Variants in FGD2 observed in about 807,000 individuals in gnomAD.
FGD2 encodes FYVE, RhoGEF and PH domain-containing protein 2.
FGD2 carries 52 observed loss-of-function variants against 75.9 expected under a neutral mutation model. That is an observed-to-expected ratio of 0.69 (90% CI 0.55 to 0.86). The LOEUF is 0.86. FGD2 is among the 40% of genes least tolerant of loss of function. The pLI is 0.00. For missense variants in FGD2, 790 were observed against 872.0 expected (o/e 0.91, Z 1.18); for synonymous variants, 347 against 348.6 (o/e 1.00, Z 0.05).
intron 13 of FGD2, 183 bp downstream of exon 13, chr6:37,022,553 C>T: frequency 1.3e-6 from 1 of 797,350 alleles, no homozygotes; most frequent in South Asian, 2.3e-5. Flanking sequence ...CCTGTGTCAC[C>T]CAGGCCTCTA....
chr6:37,028,341 CT>C lies in FGD2; in HGVS notation c.*181del. The C allele has an allele frequency of 1.6e-6, 1 of 607,280 alleles. No homozygotes were observed. Among genetic ancestry groups the C allele is most frequent in the African/African-American group, 1.8e-5 (1 of 54,526 alleles). The allele number at this position is 607,280 out of a possible 1,614,324, so 37.6% of individuals were successfully genotyped here. On this transcript the variant is annotated 3_prime_UTR_variant, in exon 16 of 16. Coordinates refer to ENST00000274963, the MANE Select transcript of FGD2 (RefSeq NM_173558.4). ...GGGATTAGAAAATATGGGTCCATTC[CT>C]TTCTAGAAAGGGGACAACCAAGTGT...
At chr6:37,022,426 G>C (rs1765634539) in intron 13 of FGD2, 56 bp downstream of exon 13, 1 of 1,511,704 alleles carries the variant, frequency 6.6e-7, no homozygotes, top group African/African-American at 1.4e-5. Context: ...GCCTCCACCT[G>C]CATCACCCAG....
rs1006799826 is a variant in FGD2 at position 37,011,557 on chromosome 6, T to C, written c.379-149T>C. ...AAAGTGGCCAGAACACAACCTCCCC[T>C]GCCTTCTTTTCCCGGGGTTGCTGTG... On this transcript the variant is annotated intron_variant, in intron 3 of 15. Coordinates refer to ENST00000274963, the MANE Select transcript of FGD2 (RefSeq NM_173558.4). 44 of 1,080,902 alleles carry C rather than the reference T, an allele frequency of 4.1e-5. No individual in the cohort carries two copies. In the South Asian group the frequency reaches 4.4e-4, roughly 11 times the overall value. 67.0% of individuals were successfully genotyped at this position (1,080,902 alleles called of 1,614,324 possible). A position where few individuals can be genotyped will look rare whatever the true frequency, so the allele number is the denominator to read the frequency against.
chr6:37,013,421 C>T lies in FGD2; in HGVS notation c.528-188C>T. 7.2e-6 allele frequency: 10 copies of T among 1,397,918 alleles called. No homozygotes were observed. The South Asian group carries it at 1.5e-4, about 20-fold the overall frequency. The allele number at this position is 1,397,918 out of a possible 1,614,324, so 86.6% of individuals were successfully genotyped here. On this transcript the variant is annotated intron_variant, in intron 4 of 15. Coordinates refer to ENST00000274963, the MANE Select transcript of FGD2 (RefSeq NM_173558.4). ...ACCTGGGACCAGAACAGCCTTTGGCCTCAGGAGGCTCACAGTCTAAGGAGT... is the reference window on the plus strand; with the variant it reads ...ACCTGGGACCAGAACAGCCTTTGGCTTCAGGAGGCTCACAGTCTAAGGAGT...
At chr6:37,012,438 T>C (rs1765056772) in intron 4 of FGD2, among the ~76,000 whole-genome samples, 3 of 152,076 alleles carry the variant, frequency 2.0e-5, no homozygotes, top group African/African-American at 7.2e-5. Flanking sequence ...ATAGCCAGGT[T>C]CGGTGGCTCA....
In FGD2 at chr6:37,020,571, C is replaced by A; in HGVS notation, c.1153C>A (p.His385Asn). ...VRELMDAEFP[H>N]SFLVSGKQRT... ...GGAGCTGATGGATGCTGAGTTTCCC[C>A]ACTCCTTCCTGGTGTCCGGGAAGCA... Residue 385 changes from histidine to asparagine, a missense_variant, in exon 10 of 16, where the codon CAC (histidine) becomes AAC (asparagine). Physicochemically the swap from His to Asn is moderately conservative, Grantham distance 68 (BLOSUM62 1). Coordinates refer to ENST00000274963, the MANE Select transcript of FGD2 (RefSeq NM_173558.4). The A allele has an allele frequency of 1.9e-6, 3 of 1,608,850 alleles. No individual in the cohort carries two copies. The highest frequency in any genetic ancestry group is 2.2e-5 in the South Asian group (2 of 89,714).
At position 37,013,621 on chromosome 6, in the gene FGD2, C is replaced by G. The variant is rs760901187; in HGVS notation, c.540C>G (p.Pro180=). The change falls in exon 5 of 16, where the codon CCC becomes CCG. Residue 180 remains proline (P), a synonymous_variant. Transcript: ENST00000274963. The stretch of plus-strand genomic sequence containing the variant: ...GCCCCTCCTGCAGGACAGCTAACCC[C>G]CGCATCGGTGACGTGATCCAGAAGC... The part of the protein sequence containing the change: ...QRRLDDWTAN[P]RIGDVIQKLA... 1 of 1,613,796 alleles carries G rather than the reference C, an allele frequency of 6.2e-7. No individual in the cohort carries two copies. The highest frequency in any genetic ancestry group is 1.1e-5 in the South Asian group (1 of 91,086).
chr6:37,009,324 A>G, intron 2 of FGD2: 1 of 441,798 alleles, frequency 2.3e-6, no homozygotes, highest in Non-Finnish European at 4.1e-6. Context: ...ACACAGTTTT[A>G]AGGAACTTAT....
intron 13 of FGD2, chr6:37,023,359 C>T (rs1234891891): frequency 6.5e-6 from 1 of 154,184 alleles, no homozygotes; most frequent in Non-Finnish European, 1.5e-5. Context: ...CTTTCCCCCT[C>T]CTCCATAACT....
rs999397386 is a variant in FGD2 at position 37,013,962 on chromosome 6, A to G, written c.685A>G (p.Ser229Gly). 1 of 1,612,928 alleles carries G rather than the reference A, an allele frequency of 6.2e-7. No individual in the cohort carries two copies. Among genetic ancestry groups the G allele is most frequent in the Non-Finnish European group, 8.5e-7 (1 of 1,179,384 alleles). ...TGTTGCTCCCCCATCCCTCCCCAAGAGCAGCGAGGCTTCGGGCAGCCTGAC... is the reference window on the plus strand; with the variant it reads ...TGTTGCTCCCCCATCCCTCCCCAAGGGCAGCGAGGCTTCGGGCAGCCTGAC... The part of the protein sequence containing the change: ...LFQEVLTRIQ[S>G]SEASGSLTLQ... Residue 229 changes from serine (S) to glycine (G), a missense_variant and splice_region_variant, in exon 6 of 16, where the codon AGC becomes GGC. Coordinates refer to ENST00000274963, the MANE Select transcript of FGD2 (RefSeq NM_173558.4).
At chr6:37,016,091 C>G (rs565722353) in intron 9 of FGD2, among the ~76,000 whole-genome samples, 43 of 152,318 alleles carry the variant, frequency 2.8e-4, no homozygotes, top group South Asian at 1.0e-3. Context: ...AGTGCATGAG[C>G]CAGCTTGGCC....
At chr6:37,015,988 A>G in intron 9 of FGD2, 128 bp downstream of exon 9, 1 of 821,674 alleles carries the variant, frequency 1.2e-6, no homozygotes, top group Non-Finnish European at 1.9e-6. Flanking sequence ...GCAAACATGG[A>G]GATGGAAGAG....
chr6:37,012,642 G>A (rs1765065376), intron 4 of FGD2, among the ~76,000 whole-genome samples: 1 of 150,810 alleles, frequency 6.6e-6, no homozygotes, highest in Middle Eastern at 3.4e-3. Flanking sequence ...AGCCCGGAAA[G>A]TCGAGGCTGC....
At chr6:37,020,686 A>G in intron 10 of FGD2, 23 bp from the exon 11 acceptor site, 1 of 1,575,160 alleles carries the variant, frequency 6.3e-7, no homozygotes, top group Non-Finnish European at 8.6e-7. Context: ...TCTCCTCAAC[A>G]CCTGTGTTCA....
At position 37,020,850 on chromosome 6, in the gene FGD2, C is replaced by T. The variant is rs1448598772; in HGVS notation, c.1233+111C>T. ...TGAAGCTCCTGGGATTCTCCCTAGC[C>T]TATTTGGGCTGAAGGGGAGGGAGTG... On this transcript the variant is annotated intron_variant, in intron 11 of 15. Transcript: ENST00000274963. The T allele has an allele frequency of 4.2e-6, 6 of 1,431,410 alleles. No homozygotes were observed. In the African/African-American group the frequency reaches 5.8e-5, roughly 14 times the overall value. 88.7% of individuals were successfully genotyped at this position (1,431,410 alleles called of 1,614,324 possible).
chr6:37,022,070 G>C (rs831500), intron 12 of FGD2, 169 bp from the exon 13 acceptor site: 510,616 of 848,158 alleles, frequency 0.6, 158,517 homozygotes, highest in East Asian at 0.89. Flanking sequence ...GGTAACTAAC[G>C]TATCATAAGG....
chr6:37,028,615 C>CTTTTTTTTTTTGTTTTTTTTTTTT lies in FGD2; in HGVS notation c.*463_*464insGTTTTTTTTTTTTTTTTTTTTTTT, dbSNP rs1765946394. 1.3e-5 allele frequency: 1 copy of CTTTTTTTTTTTGTTTTTTTTTTTT among 79,024 alleles called. No homozygotes were observed. The allele number at this position is 79,024 out of a possible 1,614,324, so 4.9% of individuals were successfully genotyped here. On this transcript the variant is annotated 3_prime_UTR_variant, in exon 16 of 16. Transcript: ENST00000274963. The stretch of plus-strand genomic sequence containing the variant: ...GGCTGAGTTGGGGGAGGCATGGGGT[C>CTTTTTTTTTTTGTTTTTTTTTTTT]TTTTTTTTTTTTTTTTTGAGACAGA...
intron 13 of FGD2, chr6:37,022,895 GC>G (rs1434118669): frequency 6.4e-6 from 1 of 155,934 alleles, no homozygotes; most frequent in Non-Finnish European, 1.4e-5. Context: ...ACCTCAGGAG[GC>G]TGCTGTTTCC....
At chr6:37,007,224 G>A (rs1251376110) in intron 1 of FGD2, among the ~76,000 whole-genome samples, 3 of 152,186 alleles carry the variant, frequency 2.0e-5, no homozygotes, top group Non-Finnish European at 2.9e-5. Flanking sequence ...GGAATGGCCC[G>A]GATGCTGTAT....
Sources: gnomAD v4.1 joint callset for allele counts (sites outside exome capture counted in the v4.1 genomes callset) on GRCh38, gnomAD v4.1.1 for gene constraint, MANE v1.5 for transcripts, NCBI Gene and HGNC (gene_info 2026-07-23, HGNC 2026-07-21) for gene names.